CCNB2: variants seen among roughly 807,000 people sequenced by gnomAD.
CCNB2 encodes G2/mitotic-specific cyclin-B2.
Under a neutral mutation model 51.1 loss-of-function variants are expected in CCNB2, and 39 were observed. The ratio of observed to expected loss-of-function variants is 0.76; its 90% confidence interval spans 0.59 to 1.00. The LOEUF (loss-of-function observed/expected upper bound fraction) is 1.00. CCNB2 is among the 50% of genes least tolerant of loss of function. CCNB2 has a pLI of 0.00. For missense variants in CCNB2, 472 were observed against 470.3 expected (o/e 1.00, Z -0.03); for synonymous variants, 174 against 165.5 (o/e 1.05, Z -0.40).
intron 5 of CCNB2, among the ~76,000 whole-genome samples, chr15:59,115,287 G>C (rs566837310): frequency 6.6e-6 from 1 of 152,108 alleles, no homozygotes; most frequent in African/African-American, 2.4e-5. Context: ...AGTTTGGCTG[G>C]AGAACCTCCA....
chr15:59,105,194 G>A lies in CCNB2; in HGVS notation c.-75G>A, dbSNP rs184832385. The A allele has an allele frequency of 1.4e-6, 2 of 1,431,130 alleles. No individual in the cohort carries two copies. The highest frequency in any genetic ancestry group is 2.0e-5 in the Admixed American group (1 of 49,744). The allele number at this position is 1,431,130 out of a possible 1,614,324, so 88.7% of individuals were successfully genotyped here. A position where few individuals can be genotyped will look rare whatever the true frequency, so the allele number is the denominator to read the frequency against. The stretch of plus-strand genomic sequence containing the variant: ...CGGAGAGCAGTCCTAACGGCGCCTC[G>A]TACGCTAGTGTCCTCCCTTTTCAGT... On this transcript the variant is annotated 5_prime_UTR_variant, in exon 1 of 9. Transcript: ENST00000288207.
At position 59,114,887 on chromosome 15, in the gene CCNB2, C is replaced by T. The variant is rs1302740940; in HGVS notation, c.597+11C>T. On this transcript the variant is annotated intron_variant, in intron 5 of 8. Coordinates refer to ENST00000288207, the MANE Select transcript of CCNB2 (RefSeq NM_004701.4). Reference sequence around the variant, plus strand: ...GATCGATTTTTACAGGTAGGTGTGGCTTCAGGGACTTCACGCCAGTGGCTC... The same window carrying T: ...GATCGATTTTTACAGGTAGGTGTGGTTTCAGGGACTTCACGCCAGTGGCTC... 6.2e-7 allele frequency: 1 copy of T among 1,603,188 alleles called. No homozygotes were observed. Among genetic ancestry groups the T allele is most frequent in the Non-Finnish European group, 8.5e-7 (1 of 1,171,834 alleles).
chr15:59,121,511 T>C (rs903444270), intron 7 of CCNB2: 1 of 152,228 alleles, frequency 6.6e-6, no homozygotes, highest in Admixed American at 6.5e-5. Context: ...GATTAAATTG[T>C]GTAGACTGGG....
At chr15:59,109,798 A>G (rs754892747) in intron 3 of CCNB2, among the ~76,000 whole-genome samples, 18 of 152,164 alleles carry the variant, frequency 1.2e-4, no homozygotes, top group Non-Finnish European at 2.4e-4. Context: ...CATCCTGGCT[A>G]ACACAGTAAA....
At chr15:59,109,317 C>T (rs1345640042) in intron 3 of CCNB2, among the ~76,000 whole-genome samples, 2 of 152,102 alleles carry the variant, frequency 1.3e-5, no homozygotes, top group African/African-American at 4.8e-5. Flanking sequence ...TGAGCCACTG[C>T]GCCTGGCGGT....
chr15:59,113,464 G>T (rs981041941), intron 3 of CCNB2, among the ~76,000 whole-genome samples: 1 of 152,140 alleles, frequency 6.6e-6, no homozygotes. Flanking sequence ...TAAGCTTTTA[G>T]AGCTTACATT....
chr15:59,117,005 C>A, intron 6 of CCNB2, 79 bp downstream of exon 6: 1 of 1,237,242 alleles, frequency 8.1e-7, no homozygotes, highest in Non-Finnish European at 1.2e-6. Flanking sequence ...TTAAGGAAAG[C>A]TTATTTATAG....
intron 8 of CCNB2, 189 bp from the exon 9 acceptor site, chr15:59,124,576 TCA>T (rs2079317243): frequency 3.4e-6 from 2 of 585,950 alleles, no homozygotes; most frequent in Non-Finnish European, 6.1e-6. Flanking sequence ...TGTGTTTTAT[TCA>T]TTAATGGGGA....
intron 3 of CCNB2, among the ~76,000 whole-genome samples, chr15:59,107,900 G>A (rs1210657898): frequency 6.6e-6 from 1 of 152,170 alleles, no homozygotes; most frequent in Non-Finnish European, 1.5e-5. Context: ...TTGAGAGGCT[G>A]AGGCAGGAGG....
At chr15:59,113,746 C>T (rs759684600) in intron 3 of CCNB2, among the ~76,000 whole-genome samples, 12 of 152,032 alleles carry the variant, frequency 7.9e-5, no homozygotes, top group Non-Finnish European at 1.3e-4. Context: ...GGTTTTGAGG[C>T]GGAGTCTTGT....
At chr15:59,116,283 A>T (rs1247267593) in intron 5 of CCNB2, among the ~76,000 whole-genome samples, 1 of 152,170 alleles carries the variant, frequency 6.6e-6, no homozygotes, top group Admixed American at 6.5e-5. Context: ...GTGTCAGGCC[A>T]GGGCTGCCAC....
chr15:59,114,952 A>G, intron 5 of CCNB2, 76 bp downstream of exon 5: 1 of 1,424,372 alleles, frequency 7.0e-7, no homozygotes, highest in Non-Finnish European at 9.5e-7. Context: ...AGAAAACTAA[A>G]GTGGGTACTT....
intron 3 of CCNB2, among the ~76,000 whole-genome samples, chr15:59,108,854 G>A (rs1050122340): frequency 1.3e-5 from 2 of 152,180 alleles, no homozygotes; most frequent in African/African-American, 4.8e-5. Flanking sequence ...GAGAACTAAA[G>A]CTTAGAAAAA....
chr15:59,123,107 T>C (rs1459787038), intron 7 of CCNB2, among the ~76,000 whole-genome samples: 2 of 152,244 alleles, frequency 1.3e-5, no homozygotes, highest in Admixed American at 6.5e-5. Flanking sequence ...TTTGGGCTCT[T>C]GAGCTCATAA....
At chr15:59,119,955 G>A (rs2079295505) in intron 7 of CCNB2, among the ~76,000 whole-genome samples, 1 of 152,050 alleles carries the variant, frequency 6.6e-6, no homozygotes, top group Non-Finnish European at 1.5e-5. Context: ...TGATCTTCTC[G>A]CCTTGGCCTC....
chr15:59,124,881 G>A lies in CCNB2; in HGVS notation c.*4G>A. 1 of 1,546,502 alleles carries A rather than the reference G, an allele frequency of 6.5e-7. No individual in the cohort carries two copies. The highest frequency in any genetic ancestry group is 2.3e-5 in the East Asian group (1 of 43,678). On this transcript the variant is annotated 3_prime_UTR_variant, in exon 9 of 9. Coordinates refer to ENST00000288207, the MANE Select transcript of CCNB2 (RefSeq NM_004701.4). ...CCCACTGATAGGAAGGTCCTAGGCTGCCGTGGCCCCTGGGGATGTGTGCTT... is the reference window on the plus strand; with the variant it reads ...CCCACTGATAGGAAGGTCCTAGGCTACCGTGGCCCCTGGGGATGTGTGCTT...
intron 3 of CCNB2, among the ~76,000 whole-genome samples, chr15:59,113,582 T>C (rs2079266697): frequency 6.6e-6 from 1 of 152,160 alleles, no homozygotes; most frequent in African/African-American, 2.4e-5. Flanking sequence ...AACTATAGAA[T>C]TTAGAAGTAT....
At chr15:59,119,774 C>T (rs1055235815) in intron 7 of CCNB2, among the ~76,000 whole-genome samples, 1 of 152,142 alleles carries the variant, frequency 6.6e-6, no homozygotes, top group Admixed American at 6.6e-5. Context: ...GTGCTGCTGT[C>T]ACAGCTCACT....
At chr15:59,116,608 C>T in intron 5 of CCNB2, 82 bp from the exon 6 acceptor site, 1 of 959,220 alleles carries the variant, frequency 1.0e-6, no homozygotes, top group South Asian at 1.5e-5. Context: ...TTTTCCAGGA[C>T]TTGGTTTCCT....
Sources: allele counts gnomAD v4.1 joint callset (sites outside exome capture counted in the v4.1 genomes callset), GRCh38; gene constraint gnomAD v4.1.1; transcripts MANE v1.5; gene names NCBI Gene and HGNC (gene_info 2026-07-23, HGNC 2026-07-21).